Variants in GRID2 observed in about 807,000 individuals in gnomAD.
GRID2 encodes glutamate ionotropic receptor delta type subunit 2, also known as glutamate receptor ionotropic, delta-2.
Under a neutral mutation model 114.8 loss-of-function variants are expected in GRID2, and 33 were observed. The observed-to-expected ratio is 0.29, with a 90% CI of 0.22 to 0.38. GRID2 has a LOEUF of 0.38. Ranked by LOEUF, GRID2 falls within the 10% of genes least tolerant of loss-of-function variation. GRID2 has a pLI of 1.00. For missense variants in GRID2, 1,184 were observed against 1,257.7 expected (o/e 0.94, Z 0.89); for synonymous variants, 505 against 449.9 (o/e 1.12, Z -1.55).
intron 13 of GRID2, among the ~76,000 whole-genome samples, chr4:93,551,579 G>C (rs1201910204): frequency 2.6e-5 from 4 of 152,162 alleles, no homozygotes; most frequent in Admixed American, 2.6e-4. Context: ...TGTTTCATAG[G>C]TAATGGAAAG....
chr4:92,948,125 C>T (rs1161912780), intron 2 of GRID2, among the ~76,000 whole-genome samples: 2 of 151,760 alleles, frequency 1.3e-5, no homozygotes, highest in Non-Finnish European at 3.0e-5. Flanking sequence ...AGCCATTATA[C>T]TCCTACCTGA....
intron 4 of GRID2, among the ~76,000 whole-genome samples, chr4:93,138,317 T>C (rs549823448): frequency 1.3e-5 from 2 of 151,696 alleles, no homozygotes; most frequent in East Asian, 3.9e-4. Flanking sequence ...AGTTTGTTTT[T>C]GTACCATATT....
chr4:93,678,941 T>A (rs1184108248), intron 14 of GRID2, among the ~76,000 whole-genome samples: 2 of 150,538 alleles, frequency 1.3e-5, no homozygotes, highest in East Asian at 1.9e-4. Flanking sequence ...TAACTTTAAA[T>A]GTAAACGGAC....
intron 14 of GRID2, among the ~76,000 whole-genome samples, chr4:93,731,631 G>A (rs1458809503): frequency 6.6e-6 from 1 of 152,198 alleles, no homozygotes; most frequent in Non-Finnish European, 1.5e-5. Context: ...CTGGGGTGAA[G>A]CCTTCTAAGC....
At chr4:92,868,891 G>GA (rs922091031) in intron 2 of GRID2, among the ~76,000 whole-genome samples, 3 of 152,032 alleles carry the variant, frequency 2.0e-5, no homozygotes, top group Admixed American at 1.3e-4. Context: ...AAAGATGCAT[G>GA]AAAAAAATCT....
At chr4:93,483,607 A>G (rs903390092) in intron 11 of GRID2, among the ~76,000 whole-genome samples, 2 of 152,014 alleles carry the variant, frequency 1.3e-5, no homozygotes, top group African/African-American at 4.8e-5. Flanking sequence ...AGATGGATTT[A>G]TCAAATTTCC....
At chr4:92,953,796 A>G (rs1031861328) in intron 2 of GRID2, among the ~76,000 whole-genome samples, 2 of 152,176 alleles carry the variant, frequency 1.3e-5, no homozygotes, top group African/African-American at 4.8e-5. Flanking sequence ...AAAAAGTATC[A>G]CAGAAATGTG....
At chr4:93,717,049 G>T (rs1484467954) in intron 14 of GRID2, among the ~76,000 whole-genome samples, 1 of 152,010 alleles carries the variant, frequency 6.6e-6, no homozygotes, top group African/African-American at 2.4e-5. Context: ...ATAATTAAAA[G>T]ATTTCCTGCT....
chr4:92,725,471 A>G (rs1736024791), intron 2 of GRID2, among the ~76,000 whole-genome samples: 1 of 152,166 alleles, frequency 6.6e-6, no homozygotes, highest in Admixed American at 6.6e-5. Context: ...TACTATATCT[A>G]GGTATCTACT....
chr4:93,238,543 T>G, intron 8 of GRID2, 53 bp downstream of exon 8: 2 of 1,547,812 alleles, frequency 1.3e-6, no homozygotes, highest in Non-Finnish European at 1.8e-6. Context: ...TGGTTTTGCT[T>G]GATTGTTTTC....
chr4:92,310,773 T>G (rs549867924), intron 1 of GRID2, among the ~76,000 whole-genome samples: 1 of 152,130 alleles, frequency 6.6e-6, no homozygotes, highest in South Asian at 2.1e-4. Flanking sequence ...TTATATGAAC[T>G]AAATGGAGAA....
chr4:93,304,509 T>C lies in GRID2; in HGVS notation c.1245+66019T>C, dbSNP rs187253165. On this transcript the variant is annotated intron_variant, in intron 8 of 15. Transcript: ENST00000282020. ...CACTTCAGAGCCTTTGATAAGTACT[T>C]TGATGTTCAATAAGAATGAAAAAAA... is the stretch of plus-strand genomic sequence containing the variant. Among the ~76,000 whole-genome samples the C allele has an allele frequency of 7.4e-4, 113 of 151,976 alleles. 1 individual carries two copies. The highest frequency in any genetic ancestry group is 2.7e-3 in the African/African-American group (112 of 41,508).
At position 93,468,027 on chromosome 4, in the gene GRID2, A is replaced by G. The variant is rs1291701518; in HGVS notation, c.1858+12053A>G. ...GTTTGTACTTATAGAATCATATTGC[A>G]TCATTTCTTCTAAACTCATTAGACA... On this transcript the variant is annotated intron_variant, in intron 11 of 15. Coordinates refer to ENST00000282020, the MANE Select transcript of GRID2 (RefSeq NM_001510.4). 2.6e-5 allele frequency among the ~76,000 whole-genome samples: 4 copies of G among 152,318 alleles called. No homozygotes were observed. In the South Asian group the frequency reaches 8.3e-4, roughly 32 times the overall value.
intron 1 of GRID2, among the ~76,000 whole-genome samples, chr4:92,580,976 A>G (rs7686323): frequency 0.38 from 57,832 of 151,014 alleles, 11,088 homozygotes; most frequent in Middle Eastern, 0.46. Context: ...TGTCAAACCA[A>G]TTCTTTTTGT....
At chr4:92,890,184 A>G (rs1746661355) in intron 2 of GRID2, among the ~76,000 whole-genome samples, 1 of 152,212 alleles carries the variant, frequency 6.6e-6, no homozygotes. Flanking sequence ...CCTGGGCAAT[A>G]TCATTCAGGA....
At chr4:93,484,042 AAG>A (rs536510675) in intron 11 of GRID2, among the ~76,000 whole-genome samples, 11 of 151,904 alleles carry the variant, frequency 7.2e-5, no homozygotes, top group Non-Finnish European at 1.3e-4. Flanking sequence ...TGGATAAAAA[AAG>A]GAGAAAGAAA....
At chr4:93,241,021 G>A (rs1434043157) in intron 8 of GRID2, among the ~76,000 whole-genome samples, 1 of 151,502 alleles carries the variant, frequency 6.6e-6, no homozygotes, top group East Asian at 1.9e-4. Context: ...TTACACATTT[G>A]TGTCTTTCTT....
chr4:93,617,270 C>A (rs72670689), intron 13 of GRID2, among the ~76,000 whole-genome samples: 3,100 of 152,248 alleles, frequency 0.02, 51 homozygotes, highest in Non-Finnish European at 0.028. Flanking sequence ...ATAGAGCTAT[C>A]AGGGGAATGG....
At chr4:92,806,795 CA>C (rs1740436719) in intron 2 of GRID2, among the ~76,000 whole-genome samples, 1 of 151,574 alleles carries the variant, frequency 6.6e-6, no homozygotes, top group Non-Finnish European at 1.5e-5. Context: ...GATAAGAAAA[CA>C]AAAGCTTTAA....
Sources: allele counts gnomAD v4.1 joint callset (sites outside exome capture counted in the v4.1 genomes callset), GRCh38; gene constraint gnomAD v4.1.1; transcripts MANE v1.5; gene names NCBI Gene and HGNC (gene_info 2026-07-23, HGNC 2026-07-21).